The following RBFOX1 variants were observed in gnomAD, a reference collection of about 807,000 sequenced individuals.
The protein encoded by RBFOX1 is RNA binding protein fox-1 homolog 1.
A neutral mutation model predicts 57.7 loss-of-function variants in RBFOX1; 8 were observed. The observed-to-expected ratio is 0.14, with a 90% CI of 0.08 to 0.25. The LOEUF is 0.25. Ranked by LOEUF, RBFOX1 falls within the 10% of genes least tolerant of loss-of-function variation. The pLI is 1.00. For synonymous variants in RBFOX1, 326 were observed against 222.4 expected (o/e 1.47, Z -4.15); for missense variants, 611 against 548.5 (o/e 1.11, Z -1.14).
At chr16:5,800,371 C>G (rs990857105) in intron 3 of RBFOX1, among the ~76,000 whole-genome samples, 1 of 152,084 alleles carries the variant, frequency 6.6e-6, no homozygotes, top group Non-Finnish European at 1.5e-5. Flanking sequence ...CAAGAGCAAA[C>G]CAGGGTGGGA....
chr16:7,477,414 G>C (rs759018955), intron 4 of RBFOX1, among the ~76,000 whole-genome samples: 1 of 152,134 alleles, frequency 6.6e-6, no homozygotes, highest in East Asian at 1.9e-4. Flanking sequence ...GGGGGGTCGG[G>C]GGGTGGTTGT....
At chr16:7,698,864 C>T (rs530183785) in intron 14 of RBFOX1, among the ~76,000 whole-genome samples, 7 of 152,300 alleles carry the variant, frequency 4.6e-5, no homozygotes, top group African/African-American at 1.7e-4. Context: ...CATGCAATAA[C>T]AATACCCTAT....
chr16:5,257,426 C>G (rs958192957), intron 1 of RBFOX1, among the ~76,000 whole-genome samples: 17 of 152,164 alleles, frequency 1.1e-4, no homozygotes, highest in African/African-American at 3.9e-4. Context: ...TGTAAACGTG[C>G]AGGAGGAATC....
At chr16:7,399,498 C>A (rs1460147051) in intron 4 of RBFOX1, among the ~76,000 whole-genome samples, 1 of 152,110 alleles carries the variant, frequency 6.6e-6, no homozygotes, top group Non-Finnish European at 1.5e-5. Context: ...GCAATGTCAG[C>A]AGATTGGCTC....
At chr16:6,150,339 G>A (rs981229855) in intron 1 of RBFOX1, among the ~76,000 whole-genome samples, 1 of 152,062 alleles carries the variant, frequency 6.6e-6, no homozygotes, top group Non-Finnish European at 1.5e-5. Context: ...CACTTAAAGG[G>A]CCTGGCAGAG....
intron 2 of RBFOX1, among the ~76,000 whole-genome samples, chr16:6,514,069 T>C (rs1252424125): frequency 6.6e-6 from 1 of 152,198 alleles, no homozygotes; most frequent in African/African-American, 2.4e-5. Context: ...TGTAAGTCCG[T>C]AGCCATTGGT....
At position 5,400,154 on chromosome 16, in the gene RBFOX1, C is replaced by T. The variant is rs542923680; in HGVS notation, c.220-67062C>T. Reference sequence around the variant, plus strand: ...TCGCTCTGTCACCCAGGCTGGAGTGCAGTCTTGGCTCACTGCAACCTCTGC... The same window carrying T: ...TCGCTCTGTCACCCAGGCTGGAGTGTAGTCTTGGCTCACTGCAACCTCTGC... On this transcript the variant is annotated intron_variant, in intron 1 of 2. Coordinates refer to the RBFOX1 transcript ENST00000585867. Among the ~76,000 whole-genome samples the T allele has an allele frequency of 4.0e-5, 6 of 151,580 alleles. No individual in the cohort carries two copies. The East Asian group carries it at 1.2e-3, about 29-fold the overall frequency.
At chr16:6,765,034 A>T (rs948597320) in intron 3 of RBFOX1, among the ~76,000 whole-genome samples, 1 of 152,026 alleles carries the variant, frequency 6.6e-6, no homozygotes, top group Admixed American at 6.5e-5. Flanking sequence ...AAAAAAAAAA[A>T]TTCATGGTGA....
intron 3 of RBFOX1, among the ~76,000 whole-genome samples, chr16:6,897,934 G>A (rs2067367038): frequency 6.6e-6 from 1 of 152,132 alleles, no homozygotes; most frequent in Non-Finnish European, 1.5e-5. Flanking sequence ...GCTACCCTCT[G>A]TGTCTCACCA....
rs1239698008 is a variant in RBFOX1 at position 7,460,773 on chromosome 16, C to G, written c.28-57374C>G. Among the ~76,000 whole-genome samples the G allele has an allele frequency of 2.0e-5, 3 of 152,026 alleles. No homozygotes were observed. In the East Asian group the frequency reaches 5.8e-4, roughly 30 times the overall value. On this transcript the variant is annotated intron_variant, in intron 4 of 15. Coordinates refer to ENST00000550418, the MANE Select transcript of RBFOX1 (RefSeq NM_018723.4). Reference sequence around the variant, plus strand: ...GAATGAATAGATAAATAAATAAAAGCTATTGTGTTGAAGAAAAAGAAATTA... The same window carrying G: ...GAATGAATAGATAAATAAATAAAAGGTATTGTGTTGAAGAAAAAGAAATTA...
intron 3 of RBFOX1, among the ~76,000 whole-genome samples, chr16:5,614,201 CAT>C (rs892571794): frequency 1.3e-5 from 2 of 152,108 alleles, no homozygotes; most frequent in African/African-American, 4.8e-5. Context: ...CTGAGCCTGA[CAT>C]TTTTTTTCCC....
chr16:7,648,821 T>C (rs1490622309), intron 11 of RBFOX1, among the ~76,000 whole-genome samples: 1 of 152,126 alleles, frequency 6.6e-6, no homozygotes, highest in Non-Finnish European at 1.5e-5. Context: ...CGAGGAGAAT[T>C]TAAATGAATT....
chr16:7,547,911 C>T (rs1367419440), intron 5 of RBFOX1, among the ~76,000 whole-genome samples: 2 of 152,148 alleles, frequency 1.3e-5, no homozygotes. Context: ...CAGCCGTGTT[C>T]CCGTTTGGCT....
intron 2 of RBFOX1, among the ~76,000 whole-genome samples, chr16:6,328,102 T>C (rs2082586274): frequency 6.6e-6 from 1 of 152,196 alleles, no homozygotes; most frequent in Non-Finnish European, 1.5e-5. Context: ...AATGGAATAC[T>C]ACTCAGCCAT....
At chr16:6,848,901 G>C (rs1433608963) in intron 3 of RBFOX1, among the ~76,000 whole-genome samples, 1 of 152,128 alleles carries the variant, frequency 6.6e-6, no homozygotes, top group African/African-American at 2.4e-5. Context: ...GAAAACGATA[G>C]TGTTGCAAAG....
At chr16:7,345,786 C>A (rs968283806) in intron 4 of RBFOX1, among the ~76,000 whole-genome samples, 1 of 152,128 alleles carries the variant, frequency 6.6e-6, no homozygotes, top group Admixed American at 6.6e-5. Flanking sequence ...GAGACGCCGT[C>A]TGCATGTGTA....
chr16:5,833,719 C>T (rs1034982410), intron 3 of RBFOX1, among the ~76,000 whole-genome samples: 15 of 152,108 alleles, frequency 9.9e-5, no homozygotes, highest in African/African-American at 3.6e-4. Context: ...GTTGGCACAT[C>T]TCTCTCTTTT....
In RBFOX1 at chr16:7,162,845, G is replaced by T. The variant is rs556785144; in HGVS notation, c.27+110747G>T. On this transcript the variant is annotated intron_variant, in intron 4 of 15. Coordinates refer to ENST00000550418, the MANE Select transcript of RBFOX1 (RefSeq NM_018723.4). ...CATCTTTTGTTGTTAAAGAATTATA[G>T]ACTTCAAAGCTGGAGAAGCAGTGTG... Among the ~76,000 whole-genome samples, 4 of 152,230 alleles carry T rather than the reference G, an allele frequency of 2.6e-5. No individual in the cohort carries two copies. The South Asian group carries it at 8.3e-4, about 32-fold the overall frequency.
At chr16:5,969,325 G>GTTTT (rs1392384342) in intron 4 of RBFOX1, among the ~76,000 whole-genome samples, 14 of 120,648 alleles carry the variant, frequency 1.2e-4, no homozygotes, top group South Asian at 2.9e-4. Flanking sequence ...TTTTTTTTTG[G>GTTTT]TTTGGAAATG....
Sources: gnomAD v4.1 joint callset for allele counts (sites outside exome capture counted in the v4.1 genomes callset) on GRCh38, gnomAD v4.1.1 for gene constraint, MANE v1.5 for transcripts, NCBI Gene and HGNC (gene_info 2026-07-23, HGNC 2026-07-21) for gene names.